The following NBEAL1 variants were observed in gnomAD, a reference collection of about 807,000 sequenced individuals.
NBEAL1 encodes the protein neurobeachin like 1.
A neutral mutation model predicts 351.3 loss-of-function variants in NBEAL1; 273 were observed. The ratio of observed to expected loss-of-function variants is 0.78; its 90% CI spans 0.70 to 0.86. NBEAL1 has a LOEUF of 0.86. NBEAL1 is among the 40% of genes least tolerant of loss of function. NBEAL1 has a pLI of 0.00. For missense variants in NBEAL1, 2,961 were observed against 3,201.3 expected (o/e 0.92, Z 1.81); for synonymous variants, 1,050 against 1,086.4 (o/e 0.97, Z 0.66).
chr2:203,159,214 A>G (rs1299242314), intron 36 of NBEAL1, among the ~76,000 whole-genome samples: 4 of 152,122 alleles, frequency 2.6e-5, no homozygotes. Context: ...TAATCCAGGT[A>G]TATCTCACAA....
intron 42 of NBEAL1, among the ~76,000 whole-genome samples, chr2:203,179,706 T>A (rs2064641932): frequency 6.6e-6 from 1 of 152,152 alleles, no homozygotes; most frequent in Admixed American, 6.6e-5. Flanking sequence ...CTATAATGTT[T>A]ATAATCATAT....
At chr2:203,191,581 A>G (rs1452754190) in intron 46 of NBEAL1, among the ~76,000 whole-genome samples, 1 of 152,210 alleles carries the variant, frequency 6.6e-6, no homozygotes, top group Non-Finnish European at 1.5e-5. Flanking sequence ...TTCTTAAGCA[A>G]TCACTGTGTT....
Position 203,059,535 on chromosome 2 carries a change from G to A in NBEAL1, c.515+2082G>A, listed in dbSNP as rs116820986. Among the ~76,000 whole-genome samples, 352 of 152,290 alleles carry A rather than the reference G, an allele frequency of 2.3e-3. 1 individual carries two copies. Among genetic ancestry groups the A allele is most frequent in the Non-Finnish European group, 2.5e-3 (173 of 68,022 alleles). ...GCAATTTAATGTTCTTGTCTTGTCT[G>A]GTCATGCTACATGACACATGTCATT... On this transcript the variant is annotated intron_variant, in intron 6 of 55. Coordinates refer to ENST00000683969, the MANE Select transcript of NBEAL1 (RefSeq NM_001378026.1).
At chr2:203,036,585 T>C (rs2061043387) in intron 2 of NBEAL1, among the ~76,000 whole-genome samples, 1 of 149,360 alleles carries the variant, frequency 6.7e-6, no homozygotes, top group East Asian at 1.9e-4. Context: ...CATTGGATAG[T>C]TGTAAGGAGT....
chr2:203,171,991 C>T lies in NBEAL1; in HGVS notation c.6166C>T (p.Arg2056Ter), dbSNP rs1310979066. 16 of 1,606,688 alleles carry T rather than the reference C, an allele frequency of 1.0e-5. 1 individual carries two copies. Among genetic ancestry groups the T allele is most frequent in the South Asian group, 3.3e-5 (3 of 89,598 alleles). Residue 2056 changes from arginine (R) to a stop codon, truncating the protein, a stop_gained, in exon 40 of 56, where the codon CGA becomes TGA. Coordinates refer to ENST00000683969, the MANE Select transcript of NBEAL1 (RefSeq NM_001378026.1). LOFTEE classifies it high-confidence loss of function. ...YLIQINTMAG[R>*]TYNDLAQYPV... ...CATTCAAATAAATACAATGGCAGGA[C>T]GAACCTATAATGACCTTGCACAGTA... is the stretch of plus-strand genomic sequence containing the variant.
chr2:203,166,792 T>G (rs2064148313), intron 37 of NBEAL1, among the ~76,000 whole-genome samples: 1 of 152,060 alleles, frequency 6.6e-6, no homozygotes. Flanking sequence ...CAAACTCATG[T>G]GATCTGCCCA....
rs2062462694 is a variant in NBEAL1 at position 203,107,451 on chromosome 2, A to G, written c.1301A>G (p.His434Arg). Residue 434 changes from histidine to arginine, a missense_variant, in exon 13 of 56, where the codon CAT becomes CGT. Transcript: ENST00000683969. ...TTTAAAGAAAGAATTGGTTATACAC[A>G]TATGCTTGAAGTATTAAAATCCCTG... ...EVFKERIGYT[H>R]MLEVLKSLGQ... 6.5e-7 allele frequency: 1 copy of G among 1,550,076 alleles called. No homozygotes were observed. The highest frequency in any genetic ancestry group is 8.7e-7 in the Non-Finnish European group (1 of 1,145,284).
At chr2:203,028,164 G>GAGCC (rs966763077) in intron 2 of NBEAL1, among the ~76,000 whole-genome samples, 1 of 151,618 alleles carries the variant, frequency 6.6e-6, no homozygotes, top group African/African-American at 2.4e-5. Context: ...TTACAGGTGT[G>GAGCC]AGCCACTGAG....
intron 36 of NBEAL1, among the ~76,000 whole-genome samples, chr2:203,160,454 A>G (rs1335715021): frequency 3.9e-5 from 6 of 151,994 alleles, no homozygotes; most frequent in Admixed American, 3.9e-4. Context: ...TCATTGCTGT[A>G]ATTCCCTTTA....
chr2:203,166,854 C>G (rs1195284614), intron 37 of NBEAL1, among the ~76,000 whole-genome samples: 3 of 152,104 alleles, frequency 2.0e-5, no homozygotes, highest in Non-Finnish European at 4.4e-5. Context: ...TGCACCCAAC[C>G]TAATATAGTC....
At chr2:203,085,675 T>C (rs1380430849) in intron 10 of NBEAL1, 1 of 152,182 alleles carries the variant, frequency 6.6e-6, no homozygotes, top group Non-Finnish European at 1.5e-5. Flanking sequence ...TTAAATAAAA[T>C]TCATAAATGA....
intron 35 of NBEAL1, among the ~76,000 whole-genome samples, chr2:203,153,988 G>A (rs541989357): frequency 6.6e-6 from 1 of 152,116 alleles, no homozygotes; most frequent in South Asian, 2.1e-4. Flanking sequence ...GCTCACGCCT[G>A]TAATCCCAGC....
intron 12 of NBEAL1, among the ~76,000 whole-genome samples, chr2:203,102,571 G>A (rs1405938421): frequency 1.3e-5 from 2 of 152,096 alleles, no homozygotes; most frequent in Non-Finnish European, 2.9e-5. Context: ...TAATCTTGTG[G>A]TTTCTGTTTT....
Position 203,110,138 on chromosome 2 carries a change from T to C in NBEAL1, c.1950-12T>C. 6.5e-7 allele frequency: 1 copy of C among 1,543,944 alleles called. No individual in the cohort carries two copies. ...CAACTTTAAAAGTTCTGATAATACG[T>C]ATTTTTTTTAGTTTTTTTACAGGAA... On this transcript the variant is annotated splice_polypyrimidine_tract_variant and intron_variant, in intron 14 of 55. Transcript: ENST00000683969.
chr2:203,182,154 G>A (rs1054654601), intron 43 of NBEAL1: 1 of 152,162 alleles, frequency 6.6e-6, no homozygotes, highest in Non-Finnish European at 1.5e-5. Context: ...TGCAAACAAG[G>A]AAATTTTAGT....
intron 12 of NBEAL1, among the ~76,000 whole-genome samples, chr2:203,106,300 A>G (rs2062436707): frequency 6.6e-6 from 1 of 151,974 alleles, no homozygotes; most frequent in East Asian, 1.9e-4. Flanking sequence ...TGAATTAATT[A>G]CTCCCTGTTT....
chr2:203,185,660 A>T (rs1259377328), intron 44 of NBEAL1, among the ~76,000 whole-genome samples: 1 of 152,190 alleles, frequency 6.6e-6, no homozygotes, highest in African/African-American at 2.4e-5. Context: ...GGCAGCTGGG[A>T]TTGGAGTCAT....
chr2:203,131,919 T>C, intron 25 of NBEAL1, 54 bp from the exon 26 acceptor site: 1 of 1,287,748 alleles, frequency 7.8e-7, no homozygotes. Flanking sequence ...TAATGTTAAA[T>C]GACAAACTAT....
At chr2:203,138,428 A>C in intron 30 of NBEAL1, 113 bp downstream of exon 30, 1 of 1,127,814 alleles carries the variant, frequency 8.9e-7, no homozygotes, top group African/African-American at 1.6e-5. Context: ...TTCAATAAAC[A>C]AGGATAAGAT....
Sources: gnomAD v4.1 joint callset for allele counts (sites outside exome capture counted in the v4.1 genomes callset) on GRCh38, gnomAD v4.1.1 for gene constraint, MANE v1.5 for transcripts, NCBI Gene and HGNC (gene_info 2026-07-23, HGNC 2026-07-21) for gene names.